EIF4G3: variants seen among roughly 807,000 people sequenced by gnomAD.
EIF4G3 encodes eIF-4-gamma 3.
In EIF4G3, 34 loss-of-function variants were observed where a neutral mutation model predicts 186.4. That is an observed-to-expected ratio of 0.18 (90% CI 0.14 to 0.24). EIF4G3 has a LOEUF of 0.24. EIF4G3 is among the 10% of genes least tolerant of loss of function. The pLI, the probability that EIF4G3 is intolerant of heterozygous loss-of-function variation, is 1.00. For synonymous variants in EIF4G3, 673 were observed against 679.5 expected, an observed-to-expected ratio of 0.99 and a Z score of 0.15; for missense variants, 1,536 against 1,948.5, an observed-to-expected ratio of 0.79 and a Z score of 3.99.
At chr1:21,135,955 G>A (rs1248601346) in intron 2 of EIF4G3, among the ~76,000 whole-genome samples, 100 of 139,408 alleles carry the variant, frequency 7.2e-4, no homozygotes, top group Middle Eastern at 0.01. Context: ...AGGCCGAGGC[G>A]GGTGGATCAT....
At chr1:21,085,819 G>C (rs115659283) in intron 3 of EIF4G3, among the ~76,000 whole-genome samples, 24 of 152,042 alleles carry the variant, frequency 1.6e-4, no homozygotes, top group African/African-American at 4.6e-4. Context: ...TCAGTCTCCC[G>C]AATAGCTGGG....
At chr1:20,966,941 T>C (rs1172968210) in intron 12 of EIF4G3, among the ~76,000 whole-genome samples, 1 of 152,232 alleles carries the variant, frequency 6.6e-6, no homozygotes, top group Non-Finnish European at 1.5e-5. Context: ...GAAATTCACC[T>C]AATAAACTTA....
At chr1:20,874,422 A>G (rs1047460032) in intron 20 of EIF4G3, among the ~76,000 whole-genome samples, 2 of 152,196 alleles carry the variant, frequency 1.3e-5, no homozygotes, top group Admixed American at 1.3e-4. Flanking sequence ...TCCGATGATC[A>G]GTGATGTTGA....
intron 14 of EIF4G3, among the ~76,000 whole-genome samples, chr1:20,934,590 G>A (rs1364430160): frequency 6.6e-6 from 1 of 152,106 alleles, no homozygotes; most frequent in African/African-American, 2.4e-5. Context: ...GCACTGGGCA[G>A]AGTAAAGGAT....
At chr1:20,944,561 G>A (rs2095860931) in intron 13 of EIF4G3, among the ~76,000 whole-genome samples, 1 of 151,254 alleles carries the variant, frequency 6.6e-6, no homozygotes, top group African/African-American at 2.4e-5. Flanking sequence ...GAGAGGGGGA[G>A]CGGGGTGGGG....
At chr1:21,134,772 G>A (rs2097210080) in intron 2 of EIF4G3, among the ~76,000 whole-genome samples, 1 of 152,180 alleles carries the variant, frequency 6.6e-6, no homozygotes, top group Non-Finnish European at 1.5e-5. Context: ...TGATCAAGGA[G>A]GGTACATGCA....
chr1:20,848,879 T>C (rs1557901528), intron 29 of EIF4G3, among the ~76,000 whole-genome samples: 1 of 151,612 alleles, frequency 6.6e-6, no homozygotes, highest in Non-Finnish European at 1.5e-5. Context: ...AAACCCCGCC[T>C]CTACTAAAAA....
At chr1:21,017,627 CAAAAAAA>C (rs71014146) in intron 4 of EIF4G3, among the ~76,000 whole-genome samples, 3 of 49,204 alleles carry the variant, frequency 6.1e-5, no homozygotes, top group African/African-American at 8.4e-5. Flanking sequence ...GACTCCGTCT[CAAAAAAA>C]AAAAAAAAAA....
intron 13 of EIF4G3, among the ~76,000 whole-genome samples, chr1:20,947,440 T>G (rs2096007594): frequency 6.6e-6 from 1 of 151,388 alleles, no homozygotes; most frequent in Non-Finnish European, 1.5e-5. Flanking sequence ...TTACATAAAT[T>G]TGGTTAAAAA....
At chr1:21,061,289 T>C (rs960096580) in intron 3 of EIF4G3, among the ~76,000 whole-genome samples, 7 of 152,198 alleles carry the variant, frequency 4.6e-5, no homozygotes, top group African/African-American at 1.7e-4. Flanking sequence ...ATCATTTTCC[T>C]TGAGCATCAT....
In EIF4G3 at chr1:20,810,683, G is replaced by A; in HGVS notation, c.4744+55C>T. On this transcript the variant is annotated intron_variant, in intron 36 of 36. Transcript: ENST00000602326. The surrounding 1 kb of genome is among the most constrained non-coding windows in gnomAD (Gnocchi z 4.1). ...AACCCTAAATCATCTCTAAGTCCTGGCTTGGATAAATCTCACTCATTGGTT... is the reference window on the plus strand; with the variant it reads ...AACCCTAAATCATCTCTAAGTCCTGACTTGGATAAATCTCACTCATTGGTT... The A allele has an allele frequency of 6.3e-7, 1 of 1,579,526 alleles. No homozygotes were observed. The highest frequency in any genetic ancestry group is 1.3e-5 in the African/African-American group (1 of 74,462).
intron 7 of EIF4G3, 99 bp from the exon 8 acceptor site, chr1:20,982,507 AC>A (rs2078515097): frequency 2.7e-6 from 2 of 747,232 alleles, no homozygotes; most frequent in African/African-American, 1.8e-5. Context: ...ATGCAGCTCA[AC>A]AAAAATATCT....
At chr1:20,904,847 C>T (rs2091587552) in intron 15 of EIF4G3, 36 bp downstream of exon 15, 7 of 1,528,648 alleles carry the variant, frequency 4.6e-6, no homozygotes, top group Non-Finnish European at 6.3e-6. Flanking sequence ...GAAATGGCAC[C>T]ACTGCTCTGA....
intron 13 of EIF4G3, among the ~76,000 whole-genome samples, chr1:20,943,974 T>TTTTGTGTGTG (rs2095829221): frequency 3.2e-5 from 2 of 62,468 alleles, no homozygotes; most frequent in African/African-American, 1.1e-4. Flanking sequence ...TTTATTTTTT[T>TTTTGTGTGTG]TGTGTGTGTG....
chr1:20,975,925 G>T (rs2076766165), intron 10 of EIF4G3, among the ~76,000 whole-genome samples: 1 of 151,722 alleles, frequency 6.6e-6, no homozygotes. Context: ...TTACATCACA[G>T]TGGCACAGCT....
chr1:21,138,867 T>C (rs549306923), intron 2 of EIF4G3, among the ~76,000 whole-genome samples: 22 of 152,248 alleles, frequency 1.4e-4, no homozygotes, highest in East Asian at 3.9e-4. Flanking sequence ...AATACTATCA[T>C]TGCCCATTAA....
rs956451008 is a variant in EIF4G3 at position 21,029,108 on chromosome 1, C to G, written c.-67+21758G>C. The stretch of plus-strand genomic sequence containing the variant: ...TCCCGGCTCACTGCAACCTCCACCC[C>G]CTAGGTCCAAGCGATTCTCATGCCT... On this transcript the variant is annotated intron_variant, in intron 4 of 36. Transcript: ENST00000602326. 7.2e-5 allele frequency among the ~76,000 whole-genome samples: 11 copies of G among 152,100 alleles called. No individual in the cohort carries two copies. In the East Asian group the frequency reaches 7.7e-4, roughly 11 times the overall value.
At chr1:21,166,926 C>T (rs992382962) in intron 2 of EIF4G3, among the ~76,000 whole-genome samples, 20 of 152,000 alleles carry the variant, frequency 1.3e-4, no homozygotes, top group African/African-American at 4.8e-4. Flanking sequence ...GGACTACAGG[C>T]ACGTGCAACC....
intron 3 of EIF4G3, among the ~76,000 whole-genome samples, chr1:21,053,603 GC>G (rs1169487752): frequency 6.7e-4 from 93 of 137,924 alleles, no homozygotes; most frequent in Non-Finnish European, 8.6e-4. Context: ...TGGGGGGTCA[GC>G]CCCCCGCCCG....
Sources: gnomAD v4.1 joint callset for allele counts (sites outside exome capture counted in the v4.1 genomes callset) on GRCh38, gnomAD v4.1.1 for gene constraint, Gnocchi (gnomAD v3.1) non-coding constraint, MANE v1.5 for transcripts, NCBI Gene and HGNC (gene_info 2026-07-23, HGNC 2026-07-21) for gene names.